KCNAB1: variants seen among roughly 807,000 people sequenced by gnomAD.
KCNAB1 encodes potassium voltage-gated channel subfamily A regulatory beta subunit 1.
A neutral mutation model predicts 64.6 loss-of-function variants in KCNAB1; 35 were observed. The ratio of observed to expected loss-of-function variants is 0.54; its 90% CI spans 0.41 to 0.72. KCNAB1 has a LOEUF of 0.72. Among genes scored for constraint, KCNAB1 ranks in the 30% least tolerant of loss-of-function variants. The pLI, the probability that KCNAB1 is intolerant of heterozygous loss-of-function variation, is 0.00. For missense variants in KCNAB1, 401 were observed against 512.9 expected (o/e 0.78, Z 2.11); for synonymous variants, 177 against 183.8 (o/e 0.96, Z 0.30).
At chr3:156,224,409 G>A (rs924871171) in intron 1 of KCNAB1, among the ~76,000 whole-genome samples, 18 of 152,256 alleles carry the variant, frequency 1.2e-4, no homozygotes, top group Admixed American at 2.6e-4. Flanking sequence ...CTTCAAGCAC[G>A]GCCAGAGTGG....
At chr3:156,443,824 G>A (rs1186634697) in intron 2 of KCNAB1, among the ~76,000 whole-genome samples, 1 of 151,354 alleles carries the variant, frequency 6.6e-6, no homozygotes, top group Non-Finnish European at 1.5e-5. Context: ...CACTTCACCT[G>A]CCTGAGGAGG....
At chr3:156,447,239 T>A (rs1711632353) in intron 2 of KCNAB1, among the ~76,000 whole-genome samples, 1 of 152,224 alleles carries the variant, frequency 6.6e-6, no homozygotes, top group Non-Finnish European at 1.5e-5. Flanking sequence ...TCTCTAACAT[T>A]CATCAGTCAA....
intron 1 of KCNAB1, among the ~76,000 whole-genome samples, chr3:156,216,271 G>A (rs1402066543): frequency 6.6e-6 from 1 of 152,172 alleles, no homozygotes; most frequent in African/African-American, 2.4e-5. Flanking sequence ...ATTATTTCTA[G>A]TATTTATAGG....
chr3:156,224,824 G>A (rs1716046746), intron 1 of KCNAB1, among the ~76,000 whole-genome samples: 1 of 152,188 alleles, frequency 6.6e-6, no homozygotes, highest in African/African-American at 2.4e-5. Flanking sequence ...AAAACCTAGA[G>A]GAGATGGAGA....
At chr3:156,203,130 C>T (rs1004930469) in intron 1 of KCNAB1, among the ~76,000 whole-genome samples, 1 of 152,058 alleles carries the variant, frequency 6.6e-6, no homozygotes, top group African/African-American at 2.4e-5. Flanking sequence ...CAAATTATTC[C>T]CATCATTTGC....
chr3:156,421,489 C>A, intron 1 of KCNAB1, 127 bp from the exon 2 acceptor site: 1 of 839,700 alleles, frequency 1.2e-6, no homozygotes, highest in Non-Finnish European at 1.9e-6. Flanking sequence ...AATATGCCGG[C>A]ATCTGTGGTT....
chr3:156,236,767 A>G (rs1201449890), intron 1 of KCNAB1, among the ~76,000 whole-genome samples: 1 of 151,950 alleles, frequency 6.6e-6, no homozygotes, highest in Admixed American at 6.6e-5. Context: ...CTCTGTCACC[A>G]TGGTGTCTGG....
At chr3:156,178,767 C>T (rs917031939) in intron 1 of KCNAB1, among the ~76,000 whole-genome samples, 1 of 151,758 alleles carries the variant, frequency 6.6e-6, no homozygotes, top group Non-Finnish European at 1.5e-5. Flanking sequence ...TTTGGGAGGC[C>T]GAGACGGGCG....
rs140323348 is a variant in KCNAB1 at position 156,248,062 on chromosome 3, C to G, written c.275+127176C>G. Among the ~76,000 whole-genome samples, 223 of 152,288 alleles carry G rather than the reference C, an allele frequency of 1.5e-3. 1 individual carries two copies. The highest frequency in any genetic ancestry group is 5.2e-3 in the African/African-American group (217 of 41,560). On this transcript the variant is annotated intron_variant, in intron 1 of 13. Coordinates refer to ENST00000490337, the MANE Select transcript of KCNAB1 (RefSeq NM_172160.3). Reference sequence around the variant, plus strand: ...CTCCAGTTCTTTTATCTCCCCAGTTCATATTCTCTTGATGCTGTCACCTTG... The same window carrying G: ...CTCCAGTTCTTTTATCTCCCCAGTTGATATTCTCTTGATGCTGTCACCTTG...
chr3:156,196,396 G>T (rs1279991338), intron 1 of KCNAB1, among the ~76,000 whole-genome samples: 1 of 152,060 alleles, frequency 6.6e-6, no homozygotes, highest in Non-Finnish European at 1.5e-5. Flanking sequence ...AAATTACTTT[G>T]GGCAGTTTGG....
At chr3:156,509,745 G>A (rs1405640839) in intron 8 of KCNAB1, among the ~76,000 whole-genome samples, 1 of 152,172 alleles carries the variant, frequency 6.6e-6, no homozygotes, top group Non-Finnish European at 1.5e-5. Context: ...CTTTCCCAGA[G>A]GCAGGTGATG....
At chr3:156,168,005 C>A (rs1054483055) in intron 1 of KCNAB1, among the ~76,000 whole-genome samples, 2 of 152,092 alleles carry the variant, frequency 1.3e-5, no homozygotes, top group African/African-American at 4.8e-5. Flanking sequence ...GAGTTAGAGA[C>A]CAGCCTGGGC....
chr3:156,261,965 G>C (rs1193144411), intron 1 of KCNAB1, among the ~76,000 whole-genome samples: 1 of 151,782 alleles, frequency 6.6e-6, no homozygotes. Context: ...CTTTGTATTT[G>C]ATTCATTTTG....
chr3:156,129,073 A>G (rs1400900389), intron 1 of KCNAB1, among the ~76,000 whole-genome samples: 2 of 152,166 alleles, frequency 1.3e-5, no homozygotes, highest in Non-Finnish European at 2.9e-5. Flanking sequence ...AATTCATACA[A>G]CAACCTCATA....
chr3:156,184,246 G>T (rs1055963002), intron 1 of KCNAB1, among the ~76,000 whole-genome samples: 6 of 152,182 alleles, frequency 3.9e-5, no homozygotes, highest in African/African-American at 1.4e-4. Flanking sequence ...TCATGCTCCT[G>T]CCTCTATTCC....
chr3:156,344,292 C>T (rs1724331926), intron 1 of KCNAB1, among the ~76,000 whole-genome samples: 1 of 152,194 alleles, frequency 6.6e-6, no homozygotes, highest in African/African-American at 2.4e-5. Context: ...AGAAATTTGC[C>T]TTGCGACAAA....
intron 1 of KCNAB1, among the ~76,000 whole-genome samples, chr3:156,261,006 A>G (rs967746188): frequency 1.5e-4 from 23 of 152,096 alleles, no homozygotes; most frequent in Admixed American, 1.5e-3. Context: ...GAGGTTGAAA[A>G]TCTTTTCATG....
At chr3:156,502,013 A>G (rs1300349600) in intron 8 of KCNAB1, among the ~76,000 whole-genome samples, 1 of 152,114 alleles carries the variant, frequency 6.6e-6, no homozygotes, top group African/African-American at 2.4e-5. Context: ...CCATGATTCA[A>G]TTACCTCCCT....
chr3:156,120,985 C>T (rs1713309354), intron 1 of KCNAB1, 99 bp downstream of exon 1: 4 of 1,419,792 alleles, frequency 2.8e-6, no homozygotes, highest in Non-Finnish European at 3.8e-6. Flanking sequence ...GAAGTCTTAA[C>T]GGCTCTAATT....
Sources: gnomAD v4.1 joint callset for allele counts (sites outside exome capture counted in the v4.1 genomes callset) on GRCh38, gnomAD v4.1.1 for gene constraint, MANE v1.5 for transcripts, NCBI Gene and HGNC (gene_info 2026-07-23, HGNC 2026-07-21) for gene names.